The following COPB2 variants were observed in gnomAD, a reference collection of about 807,000 sequenced individuals.
COPB2 encodes coat protein complex I subunit beta 2, also known as coatomer subunit beta'.
COPB2 carries 16 observed loss-of-function variants against 120.8 expected under a neutral mutation model. The ratio of observed to expected loss-of-function variants is 0.13; its 90% CI spans 0.09 to 0.20. The LOEUF is 0.20. COPB2 is among the 10% of genes least tolerant of loss of function. COPB2 has a pLI of 1.00. For synonymous variants in COPB2, 332 were observed against 366.3 expected (o/e 0.91, Z 1.07); for missense variants, 794 against 1,076.5 (o/e 0.74, Z 3.67).
chr3:139,378,241 T>G lies in COPB2; in HGVS notation c.356-52A>C, dbSNP rs754758492. ...GTTGTAATTCTATTTTTTCACTTCA[T>G]AACTAAGACACAGTCTTTAGAAGAA... On this transcript the variant is annotated intron_variant, in intron 4 of 21. Transcript: ENST00000333188. The G allele has an allele frequency of 4.1e-6, 6 of 1,476,754 alleles. No homozygotes were observed. In the Admixed American group the frequency reaches 1.1e-4, roughly 26 times the overall value. The allele number at this position is 1,476,754 out of a possible 1,614,324, so 91.5% of individuals were successfully genotyped here.
intron 21 of COPB2, 59 bp from the exon 22 acceptor site, chr3:139,358,017 C>T (rs913473470): frequency 1.9e-5 from 21 of 1,118,494 alleles, no homozygotes; most frequent in African/African-American, 4.7e-5. Context: ...GAAAGTTATC[C>T]GTGGGTTCAT....
chr3:139,360,132 T>A (rs114347528), intron 17 of COPB2, among the ~76,000 whole-genome samples: 2,337 of 151,130 alleles, frequency 0.015, 68 homozygotes, highest in African/African-American at 0.054. Flanking sequence ...AATTCATAAA[T>A]ACATTCACAT....
chr3:139,374,119 A>G, intron 7 of COPB2: 1 of 436,162 alleles, frequency 2.3e-6, no homozygotes, highest in Non-Finnish European at 4.1e-6. Flanking sequence ...TAATTTTATG[A>G]AGCAGATATA....
At chr3:139,358,015 T>TC (rs755489595) in intron 21 of COPB2, 57 bp from the exon 22 acceptor site, 7 of 1,122,414 alleles carry the variant, frequency 6.2e-6, no homozygotes, top group Non-Finnish European at 9.1e-6. Context: ...AGGAAAGTTA[T>TC]CCGTGGGTTC....
chr3:139,358,367 G>T, intron 20 of COPB2, 96 bp from the exon 21 acceptor site: 1 of 1,087,510 alleles, frequency 9.2e-7, no homozygotes, highest in East Asian at 2.4e-5. Context: ...ATTAGGAAGT[G>T]GGAGATGATG....
chr3:139,380,809 T>C (rs958651611), intron 2 of COPB2: 5 of 152,110 alleles, frequency 3.3e-5, no homozygotes, highest in African/African-American at 1.2e-4. Flanking sequence ...CTGACTATGA[T>C]ACAGAAACTG....
At chr3:139,373,878 G>T in intron 7 of COPB2, 70 bp from the exon 8 acceptor site, 4 of 1,569,764 alleles carry the variant, frequency 2.5e-6, no homozygotes, top group Non-Finnish European at 3.5e-6. Flanking sequence ...AGGTGAAAGA[G>T]ACCCATAGAA....
chr3:139,375,420 G>A, intron 6 of COPB2, 48 bp downstream of exon 6: 10 of 1,576,890 alleles, frequency 6.3e-6, no homozygotes, highest in Non-Finnish European at 8.6e-6. Context: ...ATAAGAAATA[G>A]TAAGAAACAT....
intron 15 of COPB2, among the ~76,000 whole-genome samples, chr3:139,364,722 C>A (rs1941484737): frequency 6.6e-6 from 1 of 152,180 alleles, no homozygotes; most frequent in African/African-American, 2.4e-5. Flanking sequence ...GACATTGAGA[C>A]TCCCTAATCA....
At chr3:139,383,257 C>A (rs201627804) in intron 2 of COPB2, 41 bp downstream of exon 2, 12 of 1,598,510 alleles carry the variant, frequency 7.5e-6, no homozygotes, top group Non-Finnish European at 9.4e-6. Flanking sequence ...CACAGTCTCA[C>A]ATAGTATTTT....
intron 14 of COPB2, 25 bp downstream of exon 14, chr3:139,366,990 C>T (rs765194531): frequency 1.9e-6 from 3 of 1,591,464 alleles, no homozygotes; most frequent in African/African-American, 2.7e-5. Context: ...AAATTTAGGA[C>T]AAATGCAAAA....
At chr3:139,358,372 A>G in intron 20 of COPB2, 101 bp from the exon 21 acceptor site, 1 of 1,068,854 alleles carries the variant, frequency 9.4e-7, no homozygotes, top group Non-Finnish European at 1.4e-6. Context: ...GAAGTGGGAG[A>G]TGATGTTTAA....
chr3:139,389,229 G>C (rs774971188), intron 1 of COPB2, among the ~76,000 whole-genome samples: 4 of 152,150 alleles, frequency 2.6e-5, no homozygotes, highest in Non-Finnish European at 5.9e-5. Context: ...AGCCTCCTAC[G>C]GAGTTCAACA....
chr3:139,359,127 T>A lies in COPB2; in HGVS notation c.2355A>T (p.Ala785=). ...ENLSKVNQKA[A]ESLADPTEYE... ...ACTCTGTTGGGTCAGCAAGGGATTC[T>A]GCTGCTTTCTGATTGACTTTTGAGA... Residue 785 remains alanine, a synonymous_variant, in exon 19 of 22, where the codon GCA becomes GCT. Coordinates refer to ENST00000333188, the MANE Select transcript of COPB2 (RefSeq NM_004766.3). The A allele has an allele frequency of 6.2e-7, 1 of 1,614,124 alleles. No homozygotes were observed. Among genetic ancestry groups the A allele is most frequent in the South Asian group, 1.1e-5 (1 of 91,048 alleles).
At chr3:139,360,518 A>ACT (rs1941397802) in intron 17 of COPB2, among the ~76,000 whole-genome samples, 2 of 51,242 alleles carry the variant, frequency 3.9e-5, no homozygotes, top group Non-Finnish European at 1.4e-4. Flanking sequence ...ATTCCATCTC[A>ACT]AAAAAAAAAA....
chr3:139,382,276 T>A (rs973245981), intron 2 of COPB2: 4 of 152,208 alleles, frequency 2.6e-5, no homozygotes, highest in African/African-American at 9.7e-5. Context: ...TTTAAAAGTG[T>A]GTGGCACTTC....
intron 1 of COPB2, among the ~76,000 whole-genome samples, chr3:139,387,368 AG>A (rs1423629282): frequency 3.9e-5 from 6 of 152,244 alleles, no homozygotes; most frequent in Admixed American, 3.9e-4. Flanking sequence ...ACAATGTACT[AG>A]GTACTTTGGG....
intron 16 of COPB2, among the ~76,000 whole-genome samples, chr3:139,361,938 C>G (rs1941426948): frequency 6.6e-6 from 1 of 152,160 alleles, no homozygotes; most frequent in South Asian, 2.1e-4. Flanking sequence ...AGAGCATCTG[C>G]TGCTGAAGGT....
rs6766875 is a variant in COPB2, at chr3:139,378,561, T to C, written c.356-372A>G. 1.1e-3 allele frequency among the ~76,000 whole-genome samples: 161 copies of C among 152,334 alleles called. 2 individuals are homozygous for C. Among genetic ancestry groups the C allele is most frequent in the African/African-American group, 3.7e-3 (152 of 41,576 alleles). On this transcript the variant is annotated intron_variant, in intron 4 of 21. Coordinates refer to ENST00000333188, the MANE Select transcript of COPB2 (RefSeq NM_004766.3). The stretch of plus-strand genomic sequence containing the variant: ...AGAACAAGCATTTGCCCTCACAAGA[T>C]TGGTTTTTAAAAAGTTTTTAATTAC...
Sources: gnomAD v4.1 joint callset for allele counts (sites outside exome capture counted in the v4.1 genomes callset) on GRCh38, gnomAD v4.1.1 for gene constraint, MANE v1.5 for transcripts, NCBI Gene and HGNC (gene_info 2026-07-23, HGNC 2026-07-21) for gene names.